The following ANKS1B variants were observed in gnomAD, a reference collection of about 807,000 sequenced individuals.
ANKS1B encodes ankyrin repeat and sterile alpha motif domain-containing protein 1B.
Under a neutral mutation model 148.3 loss-of-function variants are expected in ANKS1B, and 36 were observed. That is an observed-to-expected ratio of 0.24 (90% CI 0.19 to 0.32). The LOEUF (loss-of-function observed/expected upper bound fraction) is 0.32, where lower values mean the gene tolerates loss of function less well. Among genes scored for constraint, ANKS1B ranks in the 10% least tolerant of loss-of-function variants. ANKS1B has a pLI of 1.00. For synonymous variants in ANKS1B, 542 were observed against 560.8 expected (o/e 0.97, Z 0.47); for missense variants, 1,157 against 1,542.6 (o/e 0.75, Z 4.19).
chr12:99,056,086 G>A (rs369526255), intron 16 of ANKS1B, among the ~76,000 whole-genome samples: 1 of 152,234 alleles, frequency 6.6e-6, no homozygotes, highest in South Asian at 2.1e-4. Flanking sequence ...TGGGTATGCT[G>A]AGGTGTACAG....
intron 17 of ANKS1B, among the ~76,000 whole-genome samples, chr12:98,878,913 T>C (rs2099699172): frequency 6.6e-6 from 1 of 152,178 alleles, no homozygotes; most frequent in Non-Finnish European, 1.5e-5. Flanking sequence ...AGAAAAACTG[T>C]AATGTCTTAA....
chr12:98,850,458 C>CTTTTTT (rs1567146212), intron 17 of ANKS1B, among the ~76,000 whole-genome samples: 13 of 61,964 alleles, frequency 2.1e-4, no homozygotes, highest in Non-Finnish European at 4.1e-4. Context: ...AGAAGCATTG[C>CTTTTTT]ATTTTTTTTT....
At chr12:99,937,260 G>T (rs1442215984) in intron 1 of ANKS1B, among the ~76,000 whole-genome samples, 1 of 152,076 alleles carries the variant, frequency 6.6e-6, no homozygotes, top group African/African-American at 2.4e-5. Context: ...CTCTGCAGGG[G>T]CCATTCTGCC....
intron 1 of ANKS1B, among the ~76,000 whole-genome samples, chr12:99,912,631 C>T (rs763231307): frequency 5.9e-5 from 9 of 152,236 alleles, no homozygotes; most frequent in Admixed American, 2.0e-4. Flanking sequence ...GGATTACAGG[C>T]GTGAGCCACT....
At chr12:99,163,435 C>T (rs1287226221) in intron 14 of ANKS1B, among the ~76,000 whole-genome samples, 3 of 148,800 alleles carry the variant, frequency 2.0e-5, no homozygotes, top group African/African-American at 7.4e-5. Flanking sequence ...ATCCACTGAC[C>T]CTGTTTATAT....
chr12:99,540,374 A>G (rs1284392598), intron 9 of ANKS1B, among the ~76,000 whole-genome samples: 1 of 152,176 alleles, frequency 6.6e-6, no homozygotes, highest in East Asian at 1.9e-4. Flanking sequence ...CTTCTTAAGT[A>G]CACGTGAAAC....
intron 10 of ANKS1B, among the ~76,000 whole-genome samples, chr12:99,462,474 G>A (rs1015417751): frequency 1.3e-5 from 2 of 152,104 alleles, no homozygotes; most frequent in African/African-American, 4.8e-5. Flanking sequence ...AACAGGTGTT[G>A]CCTCCGAAAT....
chr12:99,083,039 T>C (rs1349789156), intron 16 of ANKS1B, among the ~76,000 whole-genome samples: 3 of 152,094 alleles, frequency 2.0e-5, no homozygotes, highest in African/African-American at 4.8e-5. Context: ...CCTGAATTGG[T>C]TCTAAGGATG....
chr12:98,994,058 A>G (rs1222791505), intron 17 of ANKS1B, among the ~76,000 whole-genome samples: 3 of 152,194 alleles, frequency 2.0e-5, no homozygotes, highest in Non-Finnish European at 4.4e-5. Context: ...TCCTGTTTTT[A>G]AAGTACTTTT....
At chr12:99,540,860 A>G (rs1476497000) in intron 9 of ANKS1B, among the ~76,000 whole-genome samples, 2 of 152,030 alleles carry the variant, frequency 1.3e-5, no homozygotes, top group African/African-American at 4.8e-5. Context: ...GGTTCTTTGA[A>G]AAAAAATACA....
rs888636845 is a variant in ANKS1B, at chr12:99,683,492, C to T, written c.1129-28282G>A. 7.9e-5 allele frequency among the ~76,000 whole-genome samples: 12 copies of T among 151,674 alleles called. 1 individual carries two copies. In the South Asian group the frequency reaches 1.7e-3, roughly 21 times the overall value. ...TGAGATTAAAATGATAATAACAAAT[C>T]GCAAACAAAAGATGTTCCAGGACCA... On this transcript the variant is annotated intron_variant, in intron 8 of 26. Coordinates refer to ENST00000683438, the MANE Select transcript of ANKS1B (RefSeq NM_001352186.2).
intron 15 of ANKS1B, among the ~76,000 whole-genome samples, chr12:99,126,507 C>T (rs138021476): frequency 4.6e-5 from 7 of 152,234 alleles, no homozygotes; most frequent in African/African-American, 1.2e-4. Context: ...CCCCCTCCCC[C>T]CACCTTACCC....
At chr12:99,315,827 C>A (rs181172667) in intron 12 of ANKS1B, among the ~76,000 whole-genome samples, 1,589 of 152,226 alleles carry the variant, frequency 0.01, 18 homozygotes, top group Non-Finnish European at 0.016. Context: ...CCTCTCCCCC[C>A]ACCCCATGAC....
chr12:99,926,195 G>A (rs1181587005), intron 1 of ANKS1B, among the ~76,000 whole-genome samples: 1 of 152,182 alleles, frequency 6.6e-6, no homozygotes, highest in African/African-American at 2.4e-5. Context: ...TTGCTCTATA[G>A]TAACTTTAAC....
intron 14 of ANKS1B, among the ~76,000 whole-genome samples, chr12:99,237,805 C>T (rs1333412545): frequency 6.6e-6 from 1 of 152,180 alleles, no homozygotes; most frequent in Non-Finnish European, 1.5e-5. Context: ...TATTTGAAGA[C>T]AGGGTCTCAC....
chr12:99,735,908 C>G (rs1425045131), intron 8 of ANKS1B, among the ~76,000 whole-genome samples: 1 of 150,282 alleles, frequency 6.7e-6, no homozygotes, highest in Non-Finnish European at 1.5e-5. Flanking sequence ...AAAGATAACA[C>G]ATACACCATG....
At chr12:99,477,852 C>T (rs191341096) in intron 10 of ANKS1B, among the ~76,000 whole-genome samples, 181 of 152,006 alleles carry the variant, frequency 1.2e-3, no homozygotes, top group Admixed American at 3.3e-3. Flanking sequence ...TACATTTGAC[C>T]CACAGGGAAA....
At chr12:99,885,793 C>T (rs1857002871) in intron 1 of ANKS1B, among the ~76,000 whole-genome samples, 1 of 152,100 alleles carries the variant, frequency 6.6e-6, no homozygotes, top group East Asian at 1.9e-4. Context: ...TTCATTATAT[C>T]ACTCTGTATG....
At chr12:99,342,192 G>T (rs1040885414) in intron 12 of ANKS1B, among the ~76,000 whole-genome samples, 6 of 152,030 alleles carry the variant, frequency 3.9e-5, no homozygotes, top group Non-Finnish European at 7.4e-5. Context: ...CGACTAAAAA[G>T]ATATATGAAA....
Sources: gnomAD v4.1 joint callset for allele counts (sites outside exome capture counted in the v4.1 genomes callset) on GRCh38, gnomAD v4.1.1 for gene constraint, MANE v1.5 for transcripts, NCBI Gene and HGNC (gene_info 2026-07-23, HGNC 2026-07-21) for gene names.